Variants in CIMAP1C observed in about 807,000 individuals in gnomAD.
CIMAP1C encodes the protein ciliary microtubule associated protein 1C.
At chr15:75,727,257 G>A in the CIMAP1C span, 3 of 1,614,090 alleles carry the variant, frequency 1.9e-6, no homozygotes, top group South Asian at 1.1e-5. Context: ...CCCTGCTACA[G>A]TCTGGCCTCC....
At chr15:75,727,495 GCACTCACT>G in the CIMAP1C span, 2 of 1,610,042 alleles carry the variant, frequency 1.2e-6, no homozygotes, top group Non-Finnish European at 1.7e-6. Flanking sequence ...TGGGCATCAA[GCACTCACT>G]CCACCTGTGC....
chr15:75,724,894 T>G, the CIMAP1C span, among the ~76,000 whole-genome samples: 8 of 152,242 alleles, frequency 5.3e-5, no homozygotes, highest in African/African-American at 1.9e-4. Context: ...ACTATTAGCT[T>G]CTTATTATGC....
chr15:75,726,083 GC>G, the CIMAP1C span: 5 of 1,613,782 alleles, frequency 3.1e-6, no homozygotes, highest in African/African-American at 5.3e-5. Flanking sequence ...GCAGCCCTGG[GC>G]CTTGCTATCT....
chr15:75,724,148 C>T, the CIMAP1C span: 1 of 1,220,374 alleles, frequency 8.2e-7, no homozygotes, highest in African/African-American at 1.5e-5. Flanking sequence ...AGCCCCTTGA[C>T]TGCTGTTTAG....
the CIMAP1C span, chr15:75,727,277 A>C: frequency 1.2e-6 from 2 of 1,614,148 alleles, no homozygotes; most frequent in Non-Finnish European, 1.7e-6. Context: ...CAGGGACAAG[A>C]ACTGGTTCTA....
the CIMAP1C span, chr15:75,726,167 C>T: frequency 6.2e-7 from 1 of 1,605,624 alleles, no homozygotes; most frequent in Non-Finnish European, 8.5e-7. Context: ...GCATCTCCAA[C>T]CTGCGTAAGA....
chr15:75,725,118 C>T, the CIMAP1C span: 18 of 1,613,626 alleles, frequency 1.1e-5, no homozygotes, highest in African/African-American at 8.0e-5. Context: ...GTCCGGGGCC[C>T]GCCAAGTACC....
At chr15:75,727,126 G>A in the CIMAP1C span, 5 of 1,613,954 alleles carry the variant, frequency 3.1e-6, no homozygotes, top group Non-Finnish European at 4.2e-6. Context: ...GGGAACGCAG[G>A]GCTCCCCAGT....
the CIMAP1C span, chr15:75,727,043 C>T: frequency 1.1e-5 from 18 of 1,604,798 alleles, no homozygotes; most frequent in Admixed American, 1.7e-5. Flanking sequence ...CCTCCCTTCC[C>T]GCCACTCCCT....
chr15:75,726,797 G>A, the CIMAP1C span, among the ~76,000 whole-genome samples: 2 of 152,086 alleles, frequency 1.3e-5, no homozygotes. Flanking sequence ...TGTATTTTTA[G>A]TAGAGATGGG....
the CIMAP1C span, chr15:75,724,052 GC>G: frequency 6.5e-6 from 4 of 614,524 alleles, no homozygotes; most frequent in East Asian, 1.1e-4. Context: ...GACAGCCTTA[GC>G]TGCTCAAGCT....
the CIMAP1C span, chr15:75,726,023 G>C: frequency 1.1e-5 from 16 of 1,459,204 alleles, no homozygotes; most frequent in Middle Eastern, 1.8e-4. Flanking sequence ...GCAGCCTTTG[G>C]GGCTGACCAG....
the CIMAP1C span, chr15:75,726,078 C>A: frequency 6.2e-7 from 1 of 1,613,678 alleles, no homozygotes; most frequent in South Asian, 1.1e-5. Flanking sequence ...CCACAGCAGC[C>A]CTGGGCCTTG....
At chr15:75,727,654 G>C in the CIMAP1C span, 1 of 1,028,138 alleles carries the variant, frequency 9.7e-7, no homozygotes, top group Non-Finnish European at 1.4e-6. Flanking sequence ...TGAGTGTCCG[G>C]CACACAGAAG....
chr15:75,727,362 G>T, the CIMAP1C span: 9 of 1,614,142 alleles, frequency 5.6e-6, no homozygotes, highest in Non-Finnish European at 7.6e-6. Context: ...CAGAACCGCA[G>T]CCCTACTTAC....
the CIMAP1C span, chr15:75,726,079 C>A: frequency 6.2e-7 from 1 of 1,613,784 alleles, no homozygotes; most frequent in Non-Finnish European, 8.5e-7. Flanking sequence ...CACAGCAGCC[C>A]TGGGCCTTGC....
chr15:75,726,186 T>C, the CIMAP1C span: 13 of 1,374,668 alleles, frequency 9.5e-6, no homozygotes, highest in Middle Eastern at 1.9e-4. Context: ...GATGGGGTTA[T>C]GGACAGATGT....
At chr15:75,727,309 C>A in the CIMAP1C span, 3 of 1,614,150 alleles carry the variant, frequency 1.9e-6, no homozygotes, top group Non-Finnish European at 2.5e-6. Context: ...TGGCAGGAGG[C>A]CCTGGACCTA....
the CIMAP1C span, chr15:75,727,091 T>A: frequency 1.2e-6 from 2 of 1,613,608 alleles, no homozygotes; most frequent in Non-Finnish European, 1.7e-6. Context: ...CTGCCAGTAC[T>A]ACTTTGAGAA....
Sources: gnomAD v4.1 joint callset for allele counts (sites outside exome capture counted in the v4.1 genomes callset) on GRCh38, gnomAD v4.1.1 for gene constraint, MANE v1.5 for transcripts, NCBI Gene and HGNC (gene_info 2026-07-23, HGNC 2026-07-21) for gene names.